Variants in TUSC3 observed in about 807,000 individuals in gnomAD.
The protein encoded by TUSC3 is tumor suppressor candidate 3.
A neutral mutation model predicts 44.8 loss-of-function variants in TUSC3; 45 were observed. The ratio of observed to expected loss-of-function variants is 1.00; its 90% CI spans 0.79 to 1.29. The LOEUF (loss-of-function observed/expected upper bound fraction) is 1.29, where lower values mean the gene tolerates loss of function less well. Ranked by LOEUF, TUSC3 falls within the 50% of genes most tolerant of loss-of-function variation. The pLI is 0.00. For missense variants in TUSC3, 519 were observed against 437.9 expected, an observed-to-expected ratio of 1.19 and a Z score of -1.65; for synonymous variants, 212 against 152.9, an observed-to-expected ratio of 1.39 and a Z score of -2.85.
At chr8:15,434,530 C>CTTTTT (rs59579003) in intron 1 of TUSC3, among the ~76,000 whole-genome samples, 18,495 of 135,216 alleles carry the variant, frequency 0.14, 1,280 homozygotes, top group Non-Finnish European at 0.17. Context: ...AAAGCCATTC[C>CTTTTT]TTTTTTTTTT....
chr8:15,851,300 A>G, the TUSC3 span, among the ~76,000 whole-genome samples: 1 of 152,224 alleles, frequency 6.6e-6, no homozygotes, highest in Admixed American at 6.5e-5. Flanking sequence ...CAATGAAAAA[A>G]GCAGACAAAA....
intron 1 of TUSC3, among the ~76,000 whole-genome samples, chr8:15,597,504 T>A (rs1804121015): frequency 6.6e-6 from 1 of 152,146 alleles, no homozygotes; most frequent in Non-Finnish European, 1.5e-5. Context: ...TTTGGCACAG[T>A]GAGCTTTAAG....
chr8:15,832,906 G>A, the TUSC3 span, among the ~76,000 whole-genome samples: 1 of 152,014 alleles, frequency 6.6e-6, no homozygotes, highest in South Asian at 2.1e-4. Flanking sequence ...ATCCCAGATT[G>A]GAACTCATCA....
chr8:15,692,635 G>C (rs917873373), intron 6 of TUSC3, among the ~76,000 whole-genome samples: 6 of 150,586 alleles, frequency 4.0e-5, no homozygotes, highest in African/African-American at 1.5e-4. Flanking sequence ...TGTGTGCATA[G>C]AGGTATTTGT....
At chr8:15,536,671 G>C (rs1801525966), upstream of TUSC3, among the ~76,000 whole-genome samples, 1 of 77,660 alleles carries the variant, frequency 1.3e-5, no homozygotes, top group Admixed American at 2.1e-4. Context: ...GACAGAGCAA[G>C]ATTCCGTCTC....
chr8:15,784,708 A>G, the TUSC3 span, among the ~76,000 whole-genome samples: 1 of 152,282 alleles, frequency 6.6e-6, no homozygotes, highest in East Asian at 1.9e-4. Flanking sequence ...GAAATACAGA[A>G]GAGTCAAACC....
chr8:15,660,903 TTA>T (rs1491305566), intron 4 of TUSC3, among the ~76,000 whole-genome samples: 3,312 of 71,756 alleles, frequency 0.046, 101 homozygotes, highest in African/African-American at 0.15. Context: ...TAAACTTTTG[TTA>T]AAAAAAAAAA....
chr8:15,820,385 C>T, the TUSC3 span, among the ~76,000 whole-genome samples: 6 of 147,124 alleles, frequency 4.1e-5, no homozygotes, highest in African/African-American at 1.5e-4. Flanking sequence ...GATCTTGGCT[C>T]ACTGCAACCT....
At chr8:15,492,286 T>G (rs1012420657) in intron 2 of TUSC3, among the ~76,000 whole-genome samples, 1 of 152,286 alleles carries the variant, frequency 6.6e-6, no homozygotes, top group South Asian at 2.1e-4. Context: ...TTAAAGTCTT[T>G]CCTGACTGAC....
intron 9 of TUSC3, among the ~76,000 whole-genome samples, chr8:15,754,009 G>A (rs1811817196): frequency 6.6e-6 from 1 of 152,030 alleles, no homozygotes; most frequent in African/African-American, 2.4e-5. Context: ...TTATCCTGTG[G>A]TGAACATAGC....
chr8:15,614,303 G>C (rs146165978), intron 1 of TUSC3, among the ~76,000 whole-genome samples: 2,608 of 152,086 alleles, frequency 0.017, 34 homozygotes, highest in Admixed American at 0.025. Flanking sequence ...ATGTAGGTAT[G>C]TTTTACATTT....
chr8:15,473,467 C>G (rs1800523748), intron 1 of TUSC3, among the ~76,000 whole-genome samples: 2 of 152,190 alleles, frequency 1.3e-5, no homozygotes, highest in African/African-American at 4.8e-5. Flanking sequence ...CATTGTCACT[C>G]AAAGCATTGG....
At chr8:15,441,053 G>A (rs1001071467) in intron 1 of TUSC3, among the ~76,000 whole-genome samples, 3 of 152,064 alleles carry the variant, frequency 2.0e-5, no homozygotes, top group African/African-American at 7.2e-5. Context: ...ATTTAAGTTT[G>A]GTTTCTTTCA....
chr8:15,576,744 C>G (rs999905701), intron 1 of TUSC3, among the ~76,000 whole-genome samples: 1 of 135,912 alleles, frequency 7.4e-6, no homozygotes, highest in Non-Finnish European at 1.6e-5. Context: ...CAAGTCTTTG[C>G]TATTGTGAAT....
chr8:15,764,136 A>G, intron 10 of TUSC3, 67 bp from the exon 11 acceptor site: 1 of 1,402,420 alleles, frequency 7.1e-7, no homozygotes, highest in Admixed American at 1.7e-5. Context: ...TTAGAATGGA[A>G]TAACAAACAT....
At chr8:15,597,212 G>A (rs1804110233) in intron 1 of TUSC3, among the ~76,000 whole-genome samples, 1 of 152,062 alleles carries the variant, frequency 6.6e-6, no homozygotes, top group South Asian at 2.1e-4. Context: ...GATTTTAATG[G>A]AGGTGATTTA....
At chr8:15,782,825 AG>A in the TUSC3 span, among the ~76,000 whole-genome samples, 1 of 152,306 alleles carries the variant, frequency 6.6e-6, no homozygotes, top group African/African-American at 2.4e-5. Context: ...AACAAGACCA[AG>A]ATGTCTACTC....
At chr8:15,785,740 C>T in the TUSC3 span, among the ~76,000 whole-genome samples, 1,469 of 152,018 alleles carry the variant, frequency 9.7e-3, 16 homozygotes, top group East Asian at 0.059. Flanking sequence ...CAATCTAGAA[C>T]GCCTGGTAGT....
chr8:15,750,859 G>A (rs183468774), intron 9 of TUSC3, among the ~76,000 whole-genome samples: 26 of 152,266 alleles, frequency 1.7e-4, no homozygotes, highest in East Asian at 9.6e-4. Context: ...TGAAACTCTT[G>A]TAAGAAGTCA....
Sources: gnomAD v4.1 joint callset for allele counts (sites outside exome capture counted in the v4.1 genomes callset) on GRCh38, gnomAD v4.1.1 for gene constraint, MANE v1.5 for transcripts, NCBI Gene and HGNC (gene_info 2026-07-23, HGNC 2026-07-21) for gene names.